TAOK1: variants seen among roughly 807,000 people sequenced by gnomAD.
TAOK1 encodes the protein TAO kinase 1.
TAOK1 carries 21 observed loss-of-function variants against 138.3 expected under a neutral mutation model. The ratio of observed to expected loss-of-function variants is 0.15; its 90% confidence interval spans 0.11 to 0.22. The LOEUF is 0.22. Among genes scored for constraint, TAOK1 ranks in the 10% least tolerant of loss-of-function variants. The pLI is 1.00. For missense variants in TAOK1, 651 were observed against 1,227.7 expected, an observed-to-expected ratio of 0.53 and a Z score of 7.02; for synonymous variants, 361 against 398.4, an observed-to-expected ratio of 0.91 and a Z score of 1.12.
In TAOK1 at chr17:29,545,792, A is replaced by G. The variant is rs1378973744; in HGVS notation, c.*2770A>G. On this transcript the variant is annotated 3_prime_UTR_variant, in exon 20 of 20. Coordinates refer to ENST00000261716, the MANE Select transcript of TAOK1 (RefSeq NM_020791.4). Reference sequence around the variant, plus strand: ...TCTGAATCAGTGGGGAAATATCAATATTTGATCAAATTAACACTACCTCCT... The same window carrying G: ...TCTGAATCAGTGGGGAAATATCAATGTTTGATCAAATTAACACTACCTCCT... 4 of 152,114 alleles carry G rather than the reference A, an allele frequency of 2.6e-5. No individual in the cohort carries two copies. The highest frequency in any genetic ancestry group is 9.7e-5 in the African/African-American group (4 of 41,440). 9.4% of individuals were successfully genotyped at this position (152,114 alleles called of 1,614,324 possible). A position where few individuals can be genotyped will look rare whatever the true frequency, so the allele number is the denominator to read the frequency against.
At chr17:29,409,202 T>G (rs1040404778) in intron 1 of TAOK1, among the ~76,000 whole-genome samples, 2 of 151,736 alleles carry the variant, frequency 1.3e-5, no homozygotes, top group African/African-American at 4.8e-5. Flanking sequence ...TGTTTGGATA[T>G]ATCACTGTTT....
chr17:29,531,383 G>T (rs530456645), intron 18 of TAOK1, among the ~76,000 whole-genome samples: 335 of 151,994 alleles, frequency 2.2e-3, no homozygotes, highest in Non-Finnish European at 3.8e-3. Context: ...GGTTCAAGGG[G>T]ATTCTCCGTC....
Position 29,544,167 on chromosome 17 carries a change from T to C in TAOK1, c.*1145T>C, listed in dbSNP as rs1211723882. 6.6e-6 allele frequency: 1 copy of C among 152,662 alleles called. No individual in the cohort carries two copies. The highest frequency in any genetic ancestry group is 2.4e-5 in the African/African-American group (1 of 41,454). 9.5% of individuals were successfully genotyped at this position (152,662 alleles called of 1,614,324 possible). ...ATAATTGTTATCTCCTTTTGGCTTA[T>C]GTGATTTTCTGTTTACAAGTAGAAT... is the stretch of plus-strand genomic sequence containing the variant. On this transcript the variant is annotated 3_prime_UTR_variant, in exon 20 of 20. Transcript: ENST00000261716.
intron 1 of TAOK1, among the ~76,000 whole-genome samples, chr17:29,427,835 G>A (rs920492706): frequency 2.0e-5 from 3 of 150,786 alleles, no homozygotes; most frequent in Non-Finnish European, 2.9e-5. Context: ...GTTGAGGCAC[G>A]AGAATTGTTT....
At chr17:29,418,331 A>G (rs1233646335) in intron 1 of TAOK1, among the ~76,000 whole-genome samples, 1 of 152,152 alleles carries the variant, frequency 6.6e-6, no homozygotes, top group Non-Finnish European at 1.5e-5. Flanking sequence ...CTGCAGGCAC[A>G]TGCCACCGTG....
chr17:29,533,724 G>A (rs552502147), intron 18 of TAOK1, among the ~76,000 whole-genome samples: 1,551 of 150,462 alleles, frequency 0.01, 30 homozygotes, highest in African/African-American at 0.036. Context: ...GCCTGCAATC[G>A]CAGGCACTCG....
intron 1 of TAOK1, among the ~76,000 whole-genome samples, chr17:29,397,631 C>A (rs1477029974): frequency 1.2e-5 from 1 of 83,016 alleles, no homozygotes; most frequent in African/African-American, 4.5e-5. Context: ...TATATATATA[C>A]ATGTATACAT....
intron 13 of TAOK1, 128 bp from the exon 14 acceptor site, chr17:29,507,768 C>T: frequency 2.4e-6 from 2 of 838,818 alleles, no homozygotes; most frequent in South Asian, 2.0e-5. Context: ...TGGAAATTTC[C>T]TTGGAATCTG....
At chr17:29,419,226 C>G (rs953490539) in intron 1 of TAOK1, among the ~76,000 whole-genome samples, 1 of 151,372 alleles carries the variant, frequency 6.6e-6, no homozygotes, top group African/African-American at 2.4e-5. Flanking sequence ...GATGGAGTTT[C>G]ACGCTTATTG....
chr17:29,452,352 T>A (rs182316401), intron 2 of TAOK1, among the ~76,000 whole-genome samples: 1 of 152,218 alleles, frequency 6.6e-6, no homozygotes, highest in Admixed American at 6.5e-5. Flanking sequence ...TGCATTGCTA[T>A]AGAGTTAAAT....
intron 15 of TAOK1, among the ~76,000 whole-genome samples, chr17:29,516,501 ATTTTTTTTTTT>A (rs36052568): frequency 7.9e-6 from 1 of 126,966 alleles, no homozygotes; most frequent in Non-Finnish European, 1.6e-5. Flanking sequence ...CACCTGGCTA[ATTTTTTTTTTT>A]TTTTTTTGAG....
chr17:29,427,997 G>C (rs1209188937), intron 1 of TAOK1, among the ~76,000 whole-genome samples: 1 of 152,028 alleles, frequency 6.6e-6, no homozygotes. Context: ...GAAAAGGAAG[G>C]CTGAAGAGAG....
At chr17:29,399,055 C>T (rs974950228) in intron 1 of TAOK1, among the ~76,000 whole-genome samples, 3 of 149,428 alleles carry the variant, frequency 2.0e-5, no homozygotes, top group African/African-American at 4.9e-5. Flanking sequence ...GGCACGATCT[C>T]GGCTGCCTGC....
At chr17:29,438,081 G>T (rs1345544649) in intron 1 of TAOK1, among the ~76,000 whole-genome samples, 1 of 152,134 alleles carries the variant, frequency 6.6e-6, no homozygotes, top group Non-Finnish European at 1.5e-5. Flanking sequence ...GATCAGCAAT[G>T]TCTTTCTTCC....
At chr17:29,421,011 C>T (rs531230617) in intron 1 of TAOK1, among the ~76,000 whole-genome samples, 69 of 152,248 alleles carry the variant, frequency 4.5e-4, no homozygotes, top group African/African-American at 1.7e-3. Context: ...CTCATTGCAA[C>T]CTCTGCCTCC....
chr17:29,429,083 C>T (rs1905742672), intron 1 of TAOK1, among the ~76,000 whole-genome samples: 1 of 151,830 alleles, frequency 6.6e-6, no homozygotes, highest in Non-Finnish European at 1.5e-5. Context: ...TTTGTTATCT[C>T]TGTATACTTG....
chr17:29,408,406 G>A (rs974906529), intron 1 of TAOK1, among the ~76,000 whole-genome samples: 16 of 150,388 alleles, frequency 1.1e-4, no homozygotes, highest in Non-Finnish European at 2.4e-4. Context: ...TTTAGAGATG[G>A]GGTTTCGCCG....
At chr17:29,488,256 A>T (rs1382344881) in intron 8 of TAOK1, among the ~76,000 whole-genome samples, 2 of 152,210 alleles carry the variant, frequency 1.3e-5, no homozygotes, top group Non-Finnish European at 2.9e-5. Flanking sequence ...TATCAATGCC[A>T]TGTAAGTAGC....
intron 19 of TAOK1, among the ~76,000 whole-genome samples, chr17:29,535,191 G>A (rs1384459962): frequency 1.3e-5 from 2 of 151,948 alleles, no homozygotes; most frequent in African/African-American, 4.8e-5. Flanking sequence ...CACTCCTGTG[G>A]TCCCAGCTAC....
Sources: allele counts gnomAD v4.1 joint callset (sites outside exome capture counted in the v4.1 genomes callset), GRCh38; gene constraint gnomAD v4.1.1; transcripts MANE v1.5; gene names NCBI Gene and HGNC (gene_info 2026-07-23, HGNC 2026-07-21).